SCHIP1: variants seen among roughly 807,000 people sequenced by gnomAD.
The protein encoded by SCHIP1 is schwannomin-interacting protein 1.
In SCHIP1, 8 loss-of-function variants were observed where a neutral mutation model predicts 29.7. That is an observed-to-expected ratio of 0.27 (90% confidence interval 0.16 to 0.49). The LOEUF is 0.49. Among genes scored for constraint, SCHIP1 ranks in the 20% least tolerant of loss-of-function variants. SCHIP1 has a pLI of 0.99. For synonymous variants in SCHIP1, 76 were observed against 94.9 expected, an observed-to-expected ratio of 0.80 and a Z score of 1.16; for missense variants, 193 against 294.6, an observed-to-expected ratio of 0.66 and a Z score of 2.52.
the SCHIP1 span, among the ~76,000 whole-genome samples, chr3:159,287,012 G>T: frequency 6.6e-6 from 1 of 152,080 alleles, no homozygotes; most frequent in Non-Finnish European, 1.5e-5. Flanking sequence ...CTCCCATTCT[G>T]TAGGTTGTCT....
chr3:159,656,691 G>A, the SCHIP1 span, among the ~76,000 whole-genome samples: 21 of 152,298 alleles, frequency 1.4e-4, no homozygotes, highest in African/African-American at 5.1e-4. Flanking sequence ...GGAATAAAGT[G>A]CTTAGAAAGC....
chr3:159,594,324 C>CT, the SCHIP1 span, among the ~76,000 whole-genome samples: 3 of 152,144 alleles, frequency 2.0e-5, no homozygotes, highest in African/African-American at 2.4e-5. Flanking sequence ...TGTCTTTGAG[C>CT]TTTTTTTTAA....
At chr3:159,809,374 ATCCAG>A in the SCHIP1 span, among the ~76,000 whole-genome samples, 2 of 151,972 alleles carry the variant, frequency 1.3e-5, no homozygotes, top group African/African-American at 4.8e-5. Context: ...CATTTTCTTA[ATCCAG>A]TCTATCATTG....
At chr3:159,777,875 G>A in the SCHIP1 span, among the ~76,000 whole-genome samples, 3 of 152,180 alleles carry the variant, frequency 2.0e-5, no homozygotes, top group Admixed American at 2.0e-4. Context: ...TAAAGGTTGG[G>A]ACTCTTTTTT....
At chr3:159,472,052 C>G in the SCHIP1 span, among the ~76,000 whole-genome samples, 1 of 151,984 alleles carries the variant, frequency 6.6e-6, no homozygotes, top group Non-Finnish European at 1.5e-5. Flanking sequence ...TCATTGAAAC[C>G]TTATAGCAGT....
the SCHIP1 span, among the ~76,000 whole-genome samples, chr3:159,824,518 G>C: frequency 6.6e-6 from 1 of 152,238 alleles, no homozygotes; most frequent in African/African-American, 2.4e-5. Context: ...AGATTATGGT[G>C]ACTAATGCTA....
At chr3:159,843,514 T>C (rs1158894586) in intron 1 of SCHIP1, among the ~76,000 whole-genome samples, 1 of 152,006 alleles carries the variant, frequency 6.6e-6, no homozygotes, top group Non-Finnish European at 1.5e-5. Flanking sequence ...ATTTGTAAAA[T>C]TGACTAACAA....
chr3:159,854,300 A>G (rs1301047244), intron 1 of SCHIP1, among the ~76,000 whole-genome samples: 2 of 152,342 alleles, frequency 1.3e-5, no homozygotes, highest in Middle Eastern at 3.4e-3. Context: ...CAGGAATGAC[A>G]TATAGAAAGA....
the SCHIP1 span, among the ~76,000 whole-genome samples, chr3:159,720,145 G>A: frequency 1.8e-4 from 26 of 148,076 alleles, no homozygotes; most frequent in African/African-American, 3.2e-4. Flanking sequence ...ACCAAACACC[G>A]CATGTTCTCA....
chr3:159,816,630 T>G, the SCHIP1 span, among the ~76,000 whole-genome samples: 1 of 152,214 alleles, frequency 6.6e-6, no homozygotes, highest in South Asian at 2.1e-4. Flanking sequence ...TGACTGCCTA[T>G]TCAAGTGTGT....
the SCHIP1 span, among the ~76,000 whole-genome samples, chr3:159,654,346 T>A: frequency 6.6e-6 from 1 of 152,184 alleles, no homozygotes; most frequent in Non-Finnish European, 1.5e-5. Flanking sequence ...GCACTCACTT[T>A]TTATTTACCG....
intron 2 of SCHIP1, among the ~76,000 whole-genome samples, chr3:159,878,817 AAAATAAAAAAT>A (rs1190015114): frequency 6.7e-6 from 1 of 149,712 alleles, no homozygotes; most frequent in Admixed American, 6.6e-5. Context: ...AAAAAAATAA[AAAATAAAAAAT>A]AAATAAAAAT....
the SCHIP1 span, among the ~76,000 whole-genome samples, chr3:159,332,887 G>A: frequency 6.6e-6 from 1 of 152,288 alleles, no homozygotes; most frequent in Non-Finnish European, 1.5e-5. Context: ...ATGTTTCTGG[G>A]TTTTTACTGC....
chr3:159,287,217 CT>C, the SCHIP1 span, among the ~76,000 whole-genome samples: 2 of 151,864 alleles, frequency 1.3e-5, no homozygotes, highest in African/African-American at 4.8e-5. Context: ...ATACTTAAGT[CT>C]TTAATCCATT....
the SCHIP1 span, among the ~76,000 whole-genome samples, chr3:159,517,424 T>G: frequency 6.6e-6 from 1 of 152,124 alleles, no homozygotes; most frequent in African/African-American, 2.4e-5. Context: ...AATACATGCC[T>G]TCAAAATAAG....
the SCHIP1 span, among the ~76,000 whole-genome samples, chr3:159,562,666 T>TTAA: frequency 6.6e-6 from 1 of 152,274 alleles, no homozygotes; most frequent in South Asian, 2.1e-4. Context: ...AGGAGGGACT[T>TTAA]CCATAAAGTT....
chr3:159,340,567 T>C, the SCHIP1 span, among the ~76,000 whole-genome samples: 1 of 152,160 alleles, frequency 6.6e-6, no homozygotes, highest in Non-Finnish European at 1.5e-5. Context: ...AAAATTACAA[T>C]AAATTCAGAT....
the SCHIP1 span, among the ~76,000 whole-genome samples, chr3:159,474,543 T>C: frequency 6.6e-6 from 1 of 152,130 alleles, no homozygotes; most frequent in Non-Finnish European, 1.5e-5. Flanking sequence ...AAAATCTCTC[T>C]AAACGGTATC....
chr3:159,429,480 A>G, the SCHIP1 span, among the ~76,000 whole-genome samples: 5 of 152,116 alleles, frequency 3.3e-5, no homozygotes, highest in African/African-American at 1.2e-4. Context: ...ATTCCAATAA[A>G]TTATCCTATT....
Sources: allele counts gnomAD v4.1 joint callset (sites outside exome capture counted in the v4.1 genomes callset), GRCh38; gene constraint gnomAD v4.1.1; transcripts MANE v1.5; gene names NCBI Gene and HGNC (gene_info 2026-07-23, HGNC 2026-07-21).